Variants in ATRNL1 observed in about 807,000 individuals in gnomAD.
ATRNL1 encodes attractin-like protein 1.
Under a neutral mutation model 182.7 loss-of-function variants are expected in ATRNL1, and 95 were observed. That is an observed-to-expected ratio of 0.52 (90% CI 0.44 to 0.62). ATRNL1 has a LOEUF of 0.62. Among genes scored for constraint, ATRNL1 ranks in the 20% least tolerant of loss-of-function variants. ATRNL1 has a pLI of 0.00. For synonymous variants in ATRNL1, 576 were observed against 568.3 expected, an observed-to-expected ratio of 1.01 and a Z score of -0.19; for missense variants, 1,471 against 1,679.5, an observed-to-expected ratio of 0.88 and a Z score of 2.17.
chr10:115,713,705 C>CTATCTATCTATCATCTATCT (rs1555055340), intron 26 of ATRNL1, among the ~76,000 whole-genome samples: 347 of 101,212 alleles, frequency 3.4e-3, no homozygotes, highest in East Asian at 0.02. Context: ...ATCTATCTAT[C>CTATCTATCTATCATCTATCT]ATCTATCTAT....
intron 26 of ATRNL1, among the ~76,000 whole-genome samples, chr10:115,713,599 C>T (rs1433860280): frequency 5.1e-5 from 5 of 97,598 alleles, no homozygotes; most frequent in African/African-American, 2.0e-4. Context: ...AAAGCTCATG[C>T]ACATTCTGTT....
chr10:115,448,948 T>TGGTACTATTCCTACG (rs2134475473), intron 21 of ATRNL1, among the ~76,000 whole-genome samples: 1 of 152,216 alleles, frequency 6.6e-6, no homozygotes, highest in Admixed American at 6.5e-5. Flanking sequence ...AAAGAAGAGC[T>TGGTACTATTCCTACG]GGTACTATTC....
At chr10:115,545,083 A>G (rs116799987) in intron 25 of ATRNL1, among the ~76,000 whole-genome samples, 213 of 152,160 alleles carry the variant, frequency 1.4e-3, no homozygotes, top group African/African-American at 4.6e-3. Flanking sequence ...GACATTCAGT[A>G]TTAGAAAAAA....
At chr10:115,415,247 T>C (rs1331308882) in intron 20 of ATRNL1, among the ~76,000 whole-genome samples, 4 of 152,052 alleles carry the variant, frequency 2.6e-5, no homozygotes, top group Non-Finnish European at 5.9e-5. Flanking sequence ...TGGAGAATAA[T>C]TTGTGTAGTT....
chr10:115,353,668 T>C (rs1232773768), intron 19 of ATRNL1, among the ~76,000 whole-genome samples: 1 of 152,200 alleles, frequency 6.6e-6, no homozygotes, highest in Non-Finnish European at 1.5e-5. Flanking sequence ...CCTTTTTAGA[T>C]TAGTGATTTC....
At chr10:115,525,593 T>G (rs1259357773) in intron 25 of ATRNL1, among the ~76,000 whole-genome samples, 1 of 152,192 alleles carries the variant, frequency 6.6e-6, no homozygotes, top group African/African-American at 2.4e-5. Flanking sequence ...TCTTCTGGCC[T>G]CCTATAATAT....
intron 25 of ATRNL1, among the ~76,000 whole-genome samples, chr10:115,538,452 G>A (rs558029387): frequency 9.5e-4 from 134 of 141,366 alleles, no homozygotes; most frequent in African/African-American, 3.7e-3. Context: ...GGCTAATGAC[G>A]TTGAATATCT....
intron 15 of ATRNL1, among the ~76,000 whole-genome samples, chr10:115,288,479 C>T (rs1245036492): frequency 6.7e-6 from 1 of 149,808 alleles, no homozygotes; most frequent in African/African-American, 2.4e-5. Context: ...GTGATGTTGA[C>T]CATTTTTTTC....
intron 14 of ATRNL1, among the ~76,000 whole-genome samples, chr10:115,283,023 T>C (rs1288304757): frequency 6.6e-6 from 1 of 152,034 alleles, no homozygotes; most frequent in African/African-American, 2.4e-5. Flanking sequence ...CCTATTTAAT[T>C]CTAAAACATA....
chr10:115,469,145 T>TA (rs782242208), intron 23 of ATRNL1, 27 bp from the exon 24 acceptor site: 34 of 913,178 alleles, frequency 3.7e-5, no homozygotes, highest in Non-Finnish European at 4.8e-5. Flanking sequence ...TTCCTAATAT[T>TA]AATTATTTAA....
intron 1 of ATRNL1, among the ~76,000 whole-genome samples, chr10:115,111,180 C>G (rs1282689102): frequency 6.6e-6 from 1 of 152,048 alleles, no homozygotes; most frequent in Non-Finnish European, 1.5e-5. Flanking sequence ...TAATGATTAC[C>G]ATGTGCAAGA....
At chr10:115,170,604 T>G (rs1205698268) in intron 7 of ATRNL1, among the ~76,000 whole-genome samples, 2 of 150,674 alleles carry the variant, frequency 1.3e-5, no homozygotes, top group Admixed American at 1.3e-4. Context: ...ATGAGTAATA[T>G]TAATCAGCAA....
chr10:115,762,976 T>G (rs1565357151), intron 27 of ATRNL1, among the ~76,000 whole-genome samples: 1 of 152,162 alleles, frequency 6.6e-6, no homozygotes, highest in Admixed American at 6.5e-5. Context: ...TAAAATGTGA[T>G]CAGCACTTTT....
intron 26 of ATRNL1, among the ~76,000 whole-genome samples, chr10:115,623,205 C>T (rs1327491774): frequency 6.6e-6 from 1 of 152,088 alleles, no homozygotes; most frequent in East Asian, 1.9e-4. Context: ...TGTATGTACA[C>T]ATACAACATT....
At chr10:115,898,120 G>A (rs1283618765) in intron 28 of ATRNL1, among the ~76,000 whole-genome samples, 7 of 151,910 alleles carry the variant, frequency 4.6e-5, no homozygotes, top group Non-Finnish European at 8.8e-5. Context: ...CAGAGACGGG[G>A]TTCACCATGT....
chr10:115,900,728 A>C (rs1290834521), intron 28 of ATRNL1, among the ~76,000 whole-genome samples: 1 of 152,200 alleles, frequency 6.6e-6, no homozygotes, highest in Non-Finnish European at 1.5e-5. Flanking sequence ...CTTGCTTTGA[A>C]GTCTGTTATT....
chr10:115,749,414 G>C (rs1395940206), intron 27 of ATRNL1, among the ~76,000 whole-genome samples: 1 of 151,656 alleles, frequency 6.6e-6, no homozygotes, highest in Non-Finnish European at 1.5e-5. Flanking sequence ...AGAGCCTTGT[G>C]CTGATATATA....
intron 19 of ATRNL1, among the ~76,000 whole-genome samples, chr10:115,389,571 T>TATATATATAC (rs1843899498): frequency 8.4e-6 from 1 of 119,348 alleles, no homozygotes; most frequent in Non-Finnish European, 1.8e-5. Flanking sequence ...TATATATATA[T>TATATATATAC]ATATATATAT....
chr10:115,368,850 A>G (rs1857225704), intron 19 of ATRNL1, among the ~76,000 whole-genome samples: 1 of 151,776 alleles, frequency 6.6e-6, no homozygotes, highest in African/African-American at 2.4e-5. Flanking sequence ...AGTAGCTGAG[A>G]TTACAGGTGC....
Sources: allele counts gnomAD v4.1 joint callset (sites outside exome capture counted in the v4.1 genomes callset), GRCh38; gene constraint gnomAD v4.1.1; transcripts MANE v1.5; gene names NCBI Gene and HGNC (gene_info 2026-07-23, HGNC 2026-07-21).